The following CTC1 variants were observed in gnomAD, a reference collection of about 807,000 sequenced individuals.
The protein encoded by CTC1 is CST telomere replication complex component 1.
In CTC1, 91 loss-of-function variants were observed where a neutral mutation model predicts 136.3. The observed-to-expected ratio is 0.67, with a 90% CI of 0.56 to 0.79. The LOEUF (loss-of-function observed/expected upper bound fraction) is 0.79, where lower values mean the gene tolerates loss of function less well. Among genes scored for constraint, CTC1 ranks in the 30% least tolerant of loss-of-function variants. The pLI is 0.00. For synonymous variants in CTC1, 606 were observed against 613.8 expected, an observed-to-expected ratio of 0.99 and a Z score of 0.19; for missense variants, 1,432 against 1,498.1, an observed-to-expected ratio of 0.96 and a Z score of 0.73.
intron 2 of CTC1, among the ~76,000 whole-genome samples, chr17:8,242,783 A>G (rs757124735): frequency 4.6e-5 from 7 of 151,608 alleles, no homozygotes; most frequent in Non-Finnish European, 1.0e-4. Context: ...CTTTTTCTTT[A>G]ATCTTAAGCC....
chr17:8,231,298 G>C lies in CTC1; in HGVS notation c.2647C>G (p.Leu883Val). The part of the protein sequence containing the change: ...DANKSLPESS[L>V]TDLLSDNFTD... ...TACTTGTCACTGAGCAGGTCGGTCA[G>C]TGAGGATTCAGGCAATGACTTGTTT... The change falls in exon 15 of 23, where the codon CTG becomes GTG. Residue 883 changes from leucine (L) to valine (V), a missense_variant. By Grantham distance (32) the Leu-to-Val change is conservative. Coordinates refer to ENST00000651323, the MANE Select transcript of CTC1 (RefSeq NM_025099.6). The C allele has an allele frequency of 2.5e-6, 4 of 1,587,534 alleles. No homozygotes were observed. Among genetic ancestry groups the C allele is most frequent in the Non-Finnish European group, 3.4e-6 (4 of 1,161,518 alleles).
intron 1 of CTC1, among the ~76,000 whole-genome samples, chr17:8,245,043 G>A (rs780327439): frequency 1.4e-4 from 21 of 152,180 alleles, no homozygotes; most frequent in Admixed American, 3.3e-4. Context: ...ACTAATCCAA[G>A]AACAGAAAAC....
intron 2 of CTC1, among the ~76,000 whole-genome samples, chr17:8,239,417 G>C (rs951480076): frequency 3.3e-5 from 5 of 152,158 alleles, no homozygotes; most frequent in Non-Finnish European, 7.3e-5. Context: ...GGGAAGCTGA[G>C]GCTGAGATGT....
At chr17:8,242,578 A>G (rs1047156674) in intron 2 of CTC1, among the ~76,000 whole-genome samples, 17 of 145,314 alleles carry the variant, frequency 1.2e-4, no homozygotes, top group African/African-American at 4.0e-4. Context: ...ATATATATAT[A>G]TACACATATA....
chr17:8,247,605 A>G (rs74252613), intron 1 of CTC1: 17,826 of 181,618 alleles, frequency 0.098, 1,537 homozygotes, highest in East Asian at 0.31. Flanking sequence ...CACCACACCC[A>G]GCCCCTTTCG....
In CTC1 at chr17:8,227,509, T is replaced by A. The variant is rs1434850690; in HGVS notation, c.*671A>T. ...CTTGTGCCTGGCACTTGCCTCCCCC[T>A]ACACCTTCTTTGTGCTTGTGAACAC... On this transcript the variant is annotated 3_prime_UTR_variant, in exon 23 of 23. Transcript: ENST00000651323. The A allele has an allele frequency of 6.5e-6, 1 of 152,788 alleles. No homozygotes were observed. The highest frequency in any genetic ancestry group is 2.4e-5 in the African/African-American group (1 of 41,392). 9.5% of individuals were successfully genotyped at this position (152,788 alleles called of 1,614,324 possible).
intron 4 of CTC1, 77 bp downstream of exon 4, chr17:8,237,954 T>C: frequency 1.7e-6 from 2 of 1,186,334 alleles, no homozygotes; most frequent in East Asian, 2.4e-5. Context: ...AATGCCCTTT[T>C]CTTTCTCTCC....
At chr17:8,231,500 G>A (rs767148217) in intron 14 of CTC1, 31 bp from the exon 15 acceptor site, 23 of 1,570,048 alleles carry the variant, frequency 1.5e-5, no homozygotes, top group Middle Eastern at 4.4e-4. Context: ...GACTGCCTGT[G>A]AGTGTGTGCT....
At position 8,228,060 on chromosome 17, in the gene CTC1, G is replaced by C. The variant is rs1281390172; in HGVS notation, c.*120C>G. 3 of 1,002,616 alleles carry C rather than the reference G, an allele frequency of 3.0e-6. No individual in the cohort carries two copies. In the African/African-American group the frequency reaches 4.8e-5, roughly 16 times the overall value. 62.1% of individuals were successfully genotyped at this position (1,002,616 alleles called of 1,614,324 possible). A position where few individuals can be genotyped will look rare whatever the true frequency, so the allele number is the denominator to read the frequency against. ...ACCAAAGAAGGGAAATTATAGTGGA[G>C]TAGCAGTTTGTGAATCTGGAGTCCT... On this transcript the variant is annotated 3_prime_UTR_variant, in exon 23 of 23. Transcript: ENST00000651323.
chr17:8,231,149 A>C lies in CTC1; in HGVS notation c.2669+127T>G, dbSNP rs965811067. 6.1e-6 allele frequency: 5 copies of C among 820,834 alleles called. No individual in the cohort carries two copies. The South Asian group carries it at 8.3e-5, about 14-fold the overall frequency. 50.8% of individuals were successfully genotyped at this position (820,834 alleles called of 1,614,324 possible). A position where few individuals can be genotyped will look rare whatever the true frequency, so the allele number is the denominator to read the frequency against. On this transcript the variant is annotated intron_variant, in intron 15 of 22. Coordinates refer to ENST00000651323, the MANE Select transcript of CTC1 (RefSeq NM_025099.6). ...GAGTGAGACTCCGTCTCAAAAAAAAACAAACAAAAACAACAATAACAAAAG... is the reference window on the plus strand; with the variant it reads ...GAGTGAGACTCCGTCTCAAAAAAAACCAAACAAAAACAACAATAACAAAAG...
In CTC1 at chr17:8,247,991, T is replaced by C. The variant is rs1443944689; in HGVS notation, c.33+13A>G. 9 of 1,600,504 alleles carry C rather than the reference T, an allele frequency of 5.6e-6. No homozygotes were observed. Among genetic ancestry groups the C allele is most frequent in the East Asian group, 2.3e-5 (1 of 44,036 alleles). On this transcript the variant is annotated intron_variant, in intron 1 of 22. Coordinates refer to ENST00000651323, the MANE Select transcript of CTC1 (RefSeq NM_025099.6). ...AAGAAAAAAGGAACAAGAGACGTAA[T>C]AGCAGCACTCACGGAGGAAGGGACC...
Position 8,229,896 on chromosome 17 carries a change from G to A in CTC1, c.3006C>T (p.Thr1002=). 6.2e-7 allele frequency: 1 copy of A among 1,613,562 alleles called. No individual in the cohort carries two copies. The highest frequency in any genetic ancestry group is 1.3e-5 in the African/African-American group (1 of 75,010). Residue 1002 remains threonine, a synonymous_variant, in exon 18 of 23, where the codon ACC becomes ACT. Transcript: ENST00000651323. ...VQVLSFPPET[T]ISIPLPHIYL... ...GTTGGGGTCTGGGCACTGACCTGAT[G>A]GTGGTCTCAGGGGGAAAACTCAGGA...
chr17:8,237,549 C>T, intron 4 of CTC1, 30 bp from the exon 5 acceptor site: 1 of 1,609,928 alleles, frequency 6.2e-7, no homozygotes. Context: ...CCTGTAATCC[C>T]AGCTACTCAG....
rs780572571 is a variant in CTC1, at chr17:8,229,906, G to T, written c.2996C>A (p.Pro999His). ...STYVQVLSFP[P>H]ETTISIPLPH... ...GGGCACTGACCTGATGGTGGTCTCA[G>T]GGGGAAAACTCAGGACCTGCACATA... The change falls in exon 18 of 23, where the codon CCT becomes CAT. Residue 999 changes from proline to histidine, a missense_variant. Transcript: ENST00000651323. 4 of 1,613,862 alleles carry T rather than the reference G, an allele frequency of 2.5e-6. No individual in the cohort carries two copies. Among genetic ancestry groups the T allele is most frequent in the Admixed American group, 1.7e-5 (1 of 59,974 alleles).
rs781404123 is a variant in CTC1, at chr17:8,231,717, G to T, written c.2475+9C>A. The stretch of plus-strand genomic sequence containing the variant: ...TCTGGGGAAAGGTATGATGAAGTAG[G>T]ACACTCACAGCGGGGCCAGGAGCTA... On this transcript the variant is annotated intron_variant, in intron 14 of 22. Coordinates refer to ENST00000651323, the MANE Select transcript of CTC1 (RefSeq NM_025099.6). 6.2e-7 allele frequency: 1 copy of T among 1,612,090 alleles called. No homozygotes were observed. The highest frequency in any genetic ancestry group is 8.5e-7 in the Non-Finnish European group (1 of 1,178,146).
chr17:8,226,997 G>C lies in CTC1; in HGVS notation c.*1183C>G, dbSNP rs959228366. 6.6e-6 allele frequency: 1 copy of C among 152,544 alleles called. No homozygotes were observed. The highest frequency in any genetic ancestry group is 1.5e-5 in the Non-Finnish European group (1 of 68,020). 9.4% of individuals were successfully genotyped at this position (152,544 alleles called of 1,614,324 possible). ...ACAAAAAAAAGCCACCCACTGGCCCGTACGGGGTTCGAACCCGCGACCTTG... is the reference window on the plus strand; with the variant it reads ...ACAAAAAAAAGCCACCCACTGGCCCCTACGGGGTTCGAACCCGCGACCTTG... On this transcript the variant is annotated 3_prime_UTR_variant, in exon 23 of 23. Coordinates refer to ENST00000651323, the MANE Select transcript of CTC1 (RefSeq NM_025099.6).
chr17:8,237,859 C>T lies in CTC1; in HGVS notation c.647+172G>A, dbSNP rs79091442. ...TCTTTCCCTTAGGTAAGGCACAGAT[C>T]CCTTGAACAACCCTTCTCTTTACCT... On this transcript the variant is annotated intron_variant, in intron 4 of 22. Transcript: ENST00000651323. 3.5e-3 allele frequency among the ~76,000 whole-genome samples: 536 copies of T among 152,162 alleles called. 1 individual carries two copies. Among genetic ancestry groups the T allele is most frequent in the Non-Finnish European group, 6.0e-3 (410 of 67,992 alleles).
At chr17:8,228,944 C>T (rs1014611179) in intron 20 of CTC1, 52 bp from the exon 21 acceptor site, 6 of 1,561,202 alleles carry the variant, frequency 3.8e-6, no homozygotes, top group South Asian at 2.4e-5. Context: ...AGGTTGCCAA[C>T]ACCCTGGACC....
Position 8,231,809 on chromosome 17 carries a change from G to A in CTC1, c.2392C>T (p.Leu798Phe), listed in dbSNP as rs777807355. 1.2e-6 allele frequency: 2 copies of A among 1,614,100 alleles called. No homozygotes were observed. Among genetic ancestry groups the A allele is most frequent in the African/African-American group, 2.7e-5 (2 of 74,934 alleles). ...CGGACTGAAGAGCCAAAGAAAATGA[G>A]GTGAACCTGGGAGGATGGAGAGCAA... Reference protein sequence around the residue: ...GNDDNDQKVHLIFFGSSVRWF... With the variant: ...GNDDNDQKVHFIFFGSSVRWF... The change falls in exon 14 of 23, where the codon CTC becomes TTC. Residue 798 changes from leucine (L) to phenylalanine (F), a missense_variant. By Grantham distance (22) the Leu-to-Phe change is conservative. Transcript: ENST00000651323.
Sources: gnomAD v4.1 joint callset for allele counts (sites outside exome capture counted in the v4.1 genomes callset) on GRCh38, gnomAD v4.1.1 for gene constraint, MANE v1.5 for transcripts, NCBI Gene and HGNC (gene_info 2026-07-23, HGNC 2026-07-21) for gene names.